Variants in TRIM34 observed in about 807,000 individuals in gnomAD.
TRIM34 encodes the protein E3 ubiquitin-protein ligase TRIM34.
TRIM34 carries 41 observed loss-of-function variants against 38.1 expected under a neutral mutation model. The ratio of observed to expected loss-of-function variants is 1.08; its 90% CI spans 0.84 to 1.40. The LOEUF (loss-of-function observed/expected upper bound fraction) is 1.40. TRIM34 is among the 40% of genes most tolerant of loss of function. TRIM34 has a pLI of 0.00. For synonymous variants in TRIM34, 200 were observed against 202.5 expected (o/e 0.99, Z 0.10); for missense variants, 556 against 571.4 (o/e 0.97, Z 0.27).
Position 5,643,282 on chromosome 11 carries a change from G to A in TRIM34, c.1040G>A (p.Gly347Glu). The A allele has an allele frequency of 6.2e-7, 1 of 1,613,884 alleles. No homozygotes were observed. Among genetic ancestry groups the A allele is most frequent in the Non-Finnish European group, 8.5e-7 (1 of 1,179,962 alleles). Residue 347 changes from glycine to glutamate, a missense_variant, in exon 8 of 8, where the codon GGG becomes GAG. Gly to Glu is a moderately conservative substitution (Grantham distance 98). Transcript: ENST00000429814. The part of the protein sequence containing the change: ...GVLGSQYFSS[G>E]KHYWEVDVSK... ...TTGGGATCCCAATATTTCTCCTCTG[G>A]GAAACATTACTGGGAAGTGGACGTG...
In TRIM34 at chr11:5,643,407, A is replaced by G; in HGVS notation, c.1165A>G (p.Thr389Ala). ...RRCANRQNLY[T>A]KYRPLFGYWV... ...ATGTGCAAATCGTCAAAATCTTTAC[A>G]CCAAATACAGACCTCTATTTGGCTA... is the stretch of plus-strand genomic sequence containing the variant. Residue 389 changes from threonine (T) to alanine (A), a missense_variant, in exon 8 of 8, where the codon ACC becomes GCC. Transcript: ENST00000429814. 5 of 1,614,146 alleles carry G rather than the reference A, an allele frequency of 3.1e-6. No homozygotes were observed. The highest frequency in any genetic ancestry group is 4.2e-6 in the Non-Finnish European group (5 of 1,180,032).
intron 1 of TRIM34, among the ~76,000 whole-genome samples, chr11:5,628,806 ATTTTT>A (rs71053285): frequency 4.0e-5 from 6 of 149,550 alleles, no homozygotes; most frequent in African/African-American, 1.5e-4. Flanking sequence ...GGCAAAGTTG[ATTTTT>A]TTTTTTCAGA....
At position 5,644,355 on chromosome 11, in the gene TRIM34, G is replaced by C. The variant is rs1850145390; in HGVS notation, c.*646G>C. 1 of 397,900 alleles carries C rather than the reference G, an allele frequency of 2.5e-6. No homozygotes were observed. 24.6% of individuals were successfully genotyped at this position (397,900 alleles called of 1,614,324 possible). A position where few individuals can be genotyped will look rare whatever the true frequency, so the allele number is the denominator to read the frequency against. ...TCTCTAAATGTAATGCATCGATTTA[G>C]TGTCTGGAACATAATAAATATTTGC... On this transcript the variant is annotated 3_prime_UTR_variant, in exon 8 of 8. Coordinates refer to ENST00000429814, the MANE Select transcript of TRIM34 (RefSeq NM_021616.6).
chr11:5,643,099 G>A, intron 7 of TRIM34, 45 bp from the exon 8 acceptor site: 1 of 1,204,248 alleles, frequency 8.3e-7, no homozygotes, highest in Non-Finnish European at 1.1e-6. Flanking sequence ...TCACACAGAT[G>A]ATTATATTCA....
rs1361118996 is a variant in TRIM34, at chr11:5,637,833, G to A, written c.750+2972G>A. Among the ~76,000 whole-genome samples the A allele has an allele frequency of 2.0e-4, 30 of 152,120 alleles. 1 individual carries two copies. Among genetic ancestry groups the A allele is most frequent in the Admixed American group, 2.0e-3 (30 of 15,272 alleles). On this transcript the variant is annotated intron_variant, in intron 4 of 7. Transcript: ENST00000429814. ...CTATTCTAAGTACCTCATGTAAGTGGAATCATAGAATATTTGTCCTACAGG... is the reference window on the plus strand; with the variant it reads ...CTATTCTAAGTACCTCATGTAAGTGAAATCATAGAATATTTGTCCTACAGG...
upstream of TRIM34, among the ~76,000 whole-genome samples, chr11:5,622,712 G>A (rs1849036759): frequency 6.6e-6 from 1 of 152,142 alleles, no homozygotes; most frequent in South Asian, 2.1e-4. Context: ...CAGAACTGAT[G>A]GGCTAAGGTA....
chr11:5,629,017 C>T (rs1849364664), intron 1 of TRIM34, among the ~76,000 whole-genome samples: 1 of 152,162 alleles, frequency 6.6e-6, no homozygotes. Context: ...TGGCTCACAC[C>T]TGTAATCCCA....
At chr11:5,624,871 G>A (rs1849133705), upstream of TRIM34, 2 of 152,200 alleles carry the variant, frequency 1.3e-5, no homozygotes, top group African/African-American at 4.8e-5. Context: ...ATTTCACCTA[G>A]ACGCTCCTTC....
chr11:5,634,722 G>C lies in TRIM34; in HGVS notation c.611G>C (p.Arg204Thr). Residue 204 changes from arginine (R) to threonine (T), a missense_variant, in exon 4 of 8, where the codon AGA (arginine) becomes ACA (threonine). Arg to Thr is a moderately conservative substitution (Grantham distance 71, BLOSUM62 -1). Coordinates refer to ENST00000429814, the MANE Select transcript of TRIM34 (RefSeq NM_021616.6). ...AATGAGGAGCAGAGAGAGCTGCAAAGATTGGAAGAAGAAGAAAAGAAGACG... is the reference window on the plus strand; with the variant it reads ...AATGAGGAGCAGAGAGAGCTGCAAACATTGGAAGAAGAAGAAAAGAAGACG... ...LNNEEQRELQ[R>T]LEEEEKKTLD... 6.2e-7 allele frequency: 1 copy of C among 1,614,148 alleles called. No homozygotes were observed. The highest frequency in any genetic ancestry group is 8.5e-7 in the Non-Finnish European group (1 of 1,180,012).
At position 5,643,840 on chromosome 11, in the gene TRIM34, T is replaced by A; in HGVS notation, c.*131T>A. 1 of 1,242,240 alleles carries A rather than the reference T, an allele frequency of 8.0e-7. No individual in the cohort carries two copies. 77.0% of individuals were successfully genotyped at this position (1,242,240 alleles called of 1,614,324 possible). On this transcript the variant is annotated 3_prime_UTR_variant, in exon 8 of 8. Transcript: ENST00000429814. Reference sequence around the variant, plus strand: ...AACTTTTACTCATCCTTGAGATGTATGGTGTATTTGGCTTGAGTTATGAGA... The same window carrying A: ...AACTTTTACTCATCCTTGAGATGTAAGGTGTATTTGGCTTGAGTTATGAGA...
intron 5 of TRIM34, among the ~76,000 whole-genome samples, chr11:5,641,556 A>C (rs1267274795): frequency 6.6e-6 from 1 of 152,146 alleles, no homozygotes; most frequent in African/African-American, 2.4e-5. Context: ...GCCTTGTCAA[A>C]TCCTAAAATA....
chr11:5,620,879 T>C (rs113121775), upstream of TRIM34, among the ~76,000 whole-genome samples: 873 of 152,322 alleles, frequency 5.7e-3, 8 homozygotes, highest in African/African-American at 0.019. Context: ...ACATAGTATA[T>C]ATGGTAGAGT....
intron 5 of TRIM34, 108 bp from the exon 6 acceptor site, chr11:5,642,297 GA>G: frequency 4.2e-6 from 4 of 953,908 alleles, no homozygotes; most frequent in Non-Finnish European, 6.3e-6. Flanking sequence ...CAGGCTCAGG[GA>G]GAAGGGTTCA....
intron 4 of TRIM34, among the ~76,000 whole-genome samples, chr11:5,639,851 T>G (rs551219498): frequency 1.2e-4 from 19 of 152,236 alleles, no homozygotes; most frequent in Admixed American, 8.5e-4. Context: ...TTATTGGTAC[T>G]TAATAAGTAT....
chr11:5,634,530 C>CATAT (rs112822638), intron 3 of TRIM34, 101 bp from the exon 4 acceptor site: 74 of 261,888 alleles, frequency 2.8e-4, no homozygotes, highest in African/African-American at 1.5e-3. Flanking sequence ...CACACACACA[C>CATAT]ATATATATAT....
chr11:5,641,303 G>C (rs759487681), intron 5 of TRIM34, 114 bp downstream of exon 5: 13 of 1,569,568 alleles, frequency 8.3e-6, no homozygotes, highest in Non-Finnish European at 9.5e-6. Context: ...GTAAAATTTG[G>C]ATGTATCGTT....
At chr11:5,634,890 T>G in intron 4 of TRIM34, 29 bp downstream of exon 4, 1 of 1,602,944 alleles carries the variant, frequency 6.2e-7, no homozygotes, top group Non-Finnish European at 8.5e-7. Context: ...TCTGAGATTC[T>G]GGGAACACAG....
intron 1 of TRIM34, among the ~76,000 whole-genome samples, chr11:5,630,821 C>T (rs1321457489): frequency 6.6e-6 from 1 of 152,186 alleles, no homozygotes; most frequent in East Asian, 1.9e-4. Flanking sequence ...TCTTAGGTGA[C>T]TGTTTACTTT....
intron 4 of TRIM34, among the ~76,000 whole-genome samples, chr11:5,639,764 T>C (rs1423644995): frequency 1.4e-5 from 2 of 146,080 alleles, no homozygotes; most frequent in East Asian, 4.1e-4. Flanking sequence ...TGACTGTACA[T>C]AAGACTATGT....
Sources: allele counts gnomAD v4.1 joint callset (sites outside exome capture counted in the v4.1 genomes callset), GRCh38; gene constraint gnomAD v4.1.1; transcripts MANE v1.5; gene names NCBI Gene and HGNC (gene_info 2026-07-23, HGNC 2026-07-21).